ROBO1: variants seen among roughly 807,000 people sequenced by gnomAD.
The protein encoded by ROBO1 is roundabout guidance receptor 1.
Under a neutral mutation model 195.9 loss-of-function variants are expected in ROBO1, and 149 were observed. The observed-to-expected ratio is 0.76, with a 90% CI of 0.67 to 0.87. ROBO1 has a LOEUF of 0.87. Among genes scored for constraint, ROBO1 ranks in the 40% least tolerant of loss-of-function variants. ROBO1 has a pLI of 0.00. For synonymous variants in ROBO1, 816 were observed against 733.2 expected (o/e 1.11, Z -1.82); for missense variants, 1,933 against 2,068.3 (o/e 0.93, Z 1.27).
chr3:78,943,644 G>A lies in ROBO1; in HGVS notation c.173-4717C>T, dbSNP rs78680447. ...TACAAGAAGAGGGGTATAATATGTA[G>A]CATTTCCCAACTTATTTGGCCACTG... On this transcript the variant is annotated intron_variant, in intron 3 of 30. Transcript: ENST00000464233. Among the ~76,000 whole-genome samples the A allele has an allele frequency of 6.6e-5, 10 of 152,274 alleles. No homozygotes were observed. The East Asian group carries it at 1.5e-3, about 24-fold the overall frequency.
chr3:79,554,447 G>A (rs1052784048), intron 2 of ROBO1, among the ~76,000 whole-genome samples: 1 of 151,956 alleles, frequency 6.6e-6, no homozygotes, highest in Non-Finnish European at 1.5e-5. Flanking sequence ...GAACATTTAA[G>A]AATTGCATGA....
Position 79,345,302 on chromosome 3 carries a change from G to C in ROBO1, c.89-219763C>G, listed in dbSNP as rs534945591. ...ATTGTTTTTGATTTCCATCTTTATAGTGCTTTTGGCTGTTCTTAGTCATTT... is the reference window on the plus strand; with the variant it reads ...ATTGTTTTTGATTTCCATCTTTATACTGCTTTTGGCTGTTCTTAGTCATTT... On this transcript the variant is annotated intron_variant, in intron 2 of 30. Coordinates refer to ENST00000464233, the MANE Select transcript of ROBO1 (RefSeq NM_002941.4). Among the ~76,000 whole-genome samples, 23 of 152,164 alleles carry C rather than the reference G, an allele frequency of 1.5e-4. No homozygotes were observed. The East Asian group carries it at 4.3e-3, about 28-fold the overall frequency.
rs556489867 is a variant in ROBO1 at position 79,119,773 on chromosome 3, T to C, written c.172+5683A>G. Among the ~76,000 whole-genome samples the C allele has an allele frequency of 2.6e-5, 4 of 152,094 alleles. No individual in the cohort carries two copies. In the East Asian group the frequency reaches 7.7e-4, roughly 29 times the overall value. On this transcript the variant is annotated intron_variant, in intron 3 of 30. Coordinates refer to ENST00000464233, the MANE Select transcript of ROBO1 (RefSeq NM_002941.4). ...CCACAGATGAGTGATTCATGGATTT[T>C]TTTTTTTTTCTTGTTGAGAAAGATT... is the stretch of plus-strand genomic sequence containing the variant.
intron 3 of ROBO1, among the ~76,000 whole-genome samples, chr3:78,954,931 T>A (rs1245796962): frequency 6.7e-6 from 1 of 149,620 alleles, no homozygotes. Flanking sequence ...GAAGTTAATC[T>A]TACTTTCGTG....
chr3:79,298,947 T>C (rs1186258273), intron 2 of ROBO1, among the ~76,000 whole-genome samples: 1 of 152,154 alleles, frequency 6.6e-6, no homozygotes, highest in African/African-American at 2.4e-5. Flanking sequence ...ACATTTAATA[T>C]AATGAAAATT....
chr3:78,787,304 A>C (rs754731037), intron 4 of ROBO1, among the ~76,000 whole-genome samples: 5 of 152,218 alleles, frequency 3.3e-5, no homozygotes, highest in Non-Finnish European at 7.3e-5. Flanking sequence ...TGTATTAATA[A>C]TATAACTATT....
At chr3:79,070,291 C>G (rs751329352) in intron 3 of ROBO1, among the ~76,000 whole-genome samples, 9 of 151,854 alleles carry the variant, frequency 5.9e-5, no homozygotes, top group Non-Finnish European at 1.2e-4. Flanking sequence ...ACAATATTTA[C>G]TCATTTAACG....
At chr3:79,356,530 A>T (rs1334981318) in intron 2 of ROBO1, among the ~76,000 whole-genome samples, 1 of 152,214 alleles carries the variant, frequency 6.6e-6, no homozygotes, top group Admixed American at 6.5e-5. Flanking sequence ...TTTGATTACA[A>T]TACTGACATC....
intron 3 of ROBO1, among the ~76,000 whole-genome samples, chr3:79,075,286 C>T (rs923018133): frequency 1.3e-5 from 2 of 151,910 alleles, no homozygotes; most frequent in Non-Finnish European, 2.9e-5. Context: ...CTTCAGAGTA[C>T]TGATGTAAAC....
At chr3:79,480,810 TG>T (rs1250190508) in intron 2 of ROBO1, among the ~76,000 whole-genome samples, 2 of 152,148 alleles carry the variant, frequency 1.3e-5, no homozygotes, top group Non-Finnish European at 2.9e-5. Flanking sequence ...TTTACCTTCA[TG>T]GGACTATGGT....
chr3:78,955,905 G>A (rs1198934349), intron 3 of ROBO1, among the ~76,000 whole-genome samples: 2 of 152,106 alleles, frequency 1.3e-5, no homozygotes, highest in Non-Finnish European at 2.9e-5. Context: ...AAGAATTCCT[G>A]AAGAAAACCT....
At chr3:79,289,119 T>A (rs1041529815) in intron 2 of ROBO1, among the ~76,000 whole-genome samples, 2 of 151,388 alleles carry the variant, frequency 1.3e-5, no homozygotes, top group African/African-American at 2.4e-5. Flanking sequence ...AATAAAAAAA[T>A]CCCTAGAATG....
intron 2 of ROBO1, among the ~76,000 whole-genome samples, chr3:79,415,712 T>A (rs2037972360): frequency 6.6e-6 from 1 of 152,142 alleles, no homozygotes; most frequent in African/African-American, 2.4e-5. Context: ...AGTGTCAAAG[T>A]GGAAGCAGGA....
At chr3:78,984,841 T>C (rs2077070492) in intron 3 of ROBO1, among the ~76,000 whole-genome samples, 1 of 152,264 alleles carries the variant, frequency 6.6e-6, no homozygotes. Flanking sequence ...AGTTGACCCT[T>C]AAACAACATG....
intron 1 of ROBO1, among the ~76,000 whole-genome samples, chr3:79,766,366 G>C (rs1197690401): frequency 6.6e-6 from 1 of 151,576 alleles, no homozygotes; most frequent in Non-Finnish European, 1.5e-5. Context: ...GCACACTAAG[G>C]ATATTTGAGT....
intron 2 of ROBO1, among the ~76,000 whole-genome samples, chr3:79,170,674 A>G (rs1009425102): frequency 6.6e-6 from 1 of 152,120 alleles, no homozygotes; most frequent in Non-Finnish European, 1.5e-5. Context: ...ATATTTGGTT[A>G]CAGATGTTAT....
chr3:78,760,645 T>C (rs964797197), intron 4 of ROBO1, among the ~76,000 whole-genome samples: 2 of 152,178 alleles, frequency 1.3e-5, no homozygotes, highest in Non-Finnish European at 2.9e-5. Context: ...TATATGCTTT[T>C]GTTGTTGCTG....
chr3:79,400,269 T>C (rs2037316267), intron 2 of ROBO1, among the ~76,000 whole-genome samples: 1 of 152,102 alleles, frequency 6.6e-6, no homozygotes, highest in South Asian at 2.1e-4. Flanking sequence ...CCATAAAAGA[T>C]ACATATATAA....
chr3:79,696,977 G>A (rs1163732565), intron 1 of ROBO1, among the ~76,000 whole-genome samples: 1 of 151,404 alleles, frequency 6.6e-6, no homozygotes, highest in Non-Finnish European at 1.5e-5. Context: ...AGGATATTGG[G>A]TTCATTTCTC....
Sources: gnomAD v4.1 joint callset for allele counts (sites outside exome capture counted in the v4.1 genomes callset) on GRCh38, gnomAD v4.1.1 for gene constraint, MANE v1.5 for transcripts, NCBI Gene and HGNC (gene_info 2026-07-23, HGNC 2026-07-21) for gene names.